The following MYO3A variants were observed in gnomAD, a reference collection of about 807,000 sequenced individuals.
The protein encoded by MYO3A is myosin-IIIa.
A neutral mutation model predicts 192.7 loss-of-function variants in MYO3A; 180 were observed. The ratio of observed to expected loss-of-function variants is 0.93; its 90% confidence interval spans 0.83 to 1.06. The LOEUF is 1.06. MYO3A is among the 50% of genes least tolerant of loss of function. MYO3A has a pLI of 0.00. For synonymous variants in MYO3A, 628 were observed against 645.3 expected, an observed-to-expected ratio of 0.97 and a Z score of 0.41; for missense variants, 1,896 against 1,905.0, an observed-to-expected ratio of 1.00 and a Z score of 0.09.
chr10:25,944,837 C>T (rs1224900397), intron 2 of MYO3A, among the ~76,000 whole-genome samples: 2 of 152,018 alleles, frequency 1.3e-5, no homozygotes, highest in East Asian at 3.8e-4. Flanking sequence ...GAAGAATCAA[C>T]TCATGGTTTT....
chr10:26,137,631 G>C (rs919053159), intron 20 of MYO3A, among the ~76,000 whole-genome samples: 2 of 152,220 alleles, frequency 1.3e-5, no homozygotes, highest in African/African-American at 4.8e-5. Context: ...CGGGCAAAAA[G>C]AGCCATATTT....
chr10:26,120,589 T>C, intron 17 of MYO3A, 87 bp from the exon 18 acceptor site: 1 of 1,570,584 alleles, frequency 6.4e-7, no homozygotes, highest in East Asian at 2.2e-5. Flanking sequence ...GGCCTGAGGG[T>C]TCTCTTCCAG....
At chr10:26,142,079 T>A (rs1371657777) in intron 20 of MYO3A, among the ~76,000 whole-genome samples, 2 of 152,250 alleles carry the variant, frequency 1.3e-5, no homozygotes, top group African/African-American at 4.8e-5. Context: ...ATTTGAACTT[T>A]GTGGAGGGCC....
At chr10:26,161,183 T>C (rs560027116) in intron 26 of MYO3A, among the ~76,000 whole-genome samples, 1 of 152,316 alleles carries the variant, frequency 6.6e-6, no homozygotes, top group South Asian at 2.1e-4. Flanking sequence ...TGGCATAGAC[T>C]CTTAGGAAGG....
chr10:25,985,333 C>G (rs1428088079), intron 4 of MYO3A, among the ~76,000 whole-genome samples: 1 of 151,050 alleles, frequency 6.6e-6, no homozygotes, highest in Non-Finnish European at 1.5e-5. Context: ...AATCCAAACC[C>G]AAACTCAGCA....
chr10:26,147,126 C>G (rs1348184643), intron 22 of MYO3A, among the ~76,000 whole-genome samples: 1 of 152,132 alleles, frequency 6.6e-6, no homozygotes, highest in Non-Finnish European at 1.5e-5. Context: ...TTATGCTGCT[C>G]CATCCCTCCA....
chr10:26,068,727 A>C (rs776963772), intron 11 of MYO3A, 41 bp from the exon 12 acceptor site: 3 of 1,333,786 alleles, frequency 2.2e-6, no homozygotes, highest in East Asian at 4.6e-5. Context: ...GTTGACCACA[A>C]ATAATTTTTA....
At chr10:26,208,585 A>G (rs373404463) in intron 34 of MYO3A, among the ~76,000 whole-genome samples, 3 of 152,334 alleles carry the variant, frequency 2.0e-5, no homozygotes, top group East Asian at 1.9e-4. Context: ...AATATTCTTA[A>G]AACAGAAATA....
At chr10:26,180,262 C>A (rs927136380) in intron 31 of MYO3A, among the ~76,000 whole-genome samples, 1 of 152,132 alleles carries the variant, frequency 6.6e-6, no homozygotes, top group Non-Finnish European at 1.5e-5. Context: ...ATCAAAAAAA[C>A]TATCTTGATA....
chr10:26,142,114 T>C (rs1274325946), intron 20 of MYO3A, among the ~76,000 whole-genome samples: 1 of 152,228 alleles, frequency 6.6e-6, no homozygotes, highest in Non-Finnish European at 1.5e-5. Context: ...AACTTCTCTG[T>C]CATCCACTAT....
chr10:26,051,111 A>ATACCCAATTT (rs1843970894), intron 10 of MYO3A, among the ~76,000 whole-genome samples: 1 of 152,218 alleles, frequency 6.6e-6, no homozygotes, highest in Non-Finnish European at 1.5e-5. Flanking sequence ...GGCAGCCAGC[A>ATACCCAATTT]TACCCAATTT....
chr10:26,202,746 A>C lies in MYO3A; in HGVS notation c.4587-218A>C, dbSNP rs149979382. On this transcript the variant is annotated intron_variant, in intron 33 of 34. Coordinates refer to ENST00000642920, the MANE Select transcript of MYO3A (RefSeq NM_017433.5). ...AATAGAACCAGGAAAATGTGTTCCC[A>C]CAGCTAATGTTCTGTTCAAGGTAAG... is the stretch of plus-strand genomic sequence containing the variant. The C allele has an allele frequency of 2.0e-4, 95 of 486,272 alleles. 2 individuals are homozygous for C. The highest frequency in any genetic ancestry group is 1.8e-3 in the African/African-American group (93 of 51,428). The allele number at this position is 486,272 out of a possible 1,614,324, so 30.1% of individuals were successfully genotyped here.
chr10:25,943,280 G>T (rs1836620083), intron 2 of MYO3A, among the ~76,000 whole-genome samples: 1 of 152,056 alleles, frequency 6.6e-6, no homozygotes, highest in East Asian at 1.9e-4. Flanking sequence ...ACAATGATTT[G>T]ATTACTGTAG....
Position 26,090,246 on chromosome 10 carries a change from G to C in MYO3A, c.1562+1841G>C, listed in dbSNP as rs1053346959. Among the ~76,000 whole-genome samples the C allele has an allele frequency of 2.1e-4, 32 of 152,218 alleles. 1 individual carries two copies. The highest frequency in any genetic ancestry group is 7.7e-4 in the African/African-American group (32 of 41,460). ...TATAATTCACGGTGTATTCTATGGA[G>C]TTGAGTGCAGGAACTCAGTTCATAT... On this transcript the variant is annotated intron_variant, in intron 15 of 34. Transcript: ENST00000642920.
intron 4 of MYO3A, among the ~76,000 whole-genome samples, chr10:25,986,893 C>G (rs1182410560): frequency 6.6e-6 from 1 of 151,964 alleles, no homozygotes; most frequent in Non-Finnish European, 1.5e-5. Context: ...AAAAAGAGCC[C>G]AAATAGCCAA....
intron 31 of MYO3A, among the ~76,000 whole-genome samples, 180 bp downstream of exon 31, chr10:26,177,025 A>G (rs1016185661): frequency 1.3e-5 from 2 of 151,688 alleles, no homozygotes; most frequent in African/African-American, 4.9e-5. Flanking sequence ...CCCACTTTCT[A>G]CCTTCTCTGA....
At chr10:25,947,104 T>A (rs966535570) in intron 2 of MYO3A, among the ~76,000 whole-genome samples, 3 of 151,926 alleles carry the variant, frequency 2.0e-5, no homozygotes, top group African/African-American at 7.2e-5. Flanking sequence ...CTGTTTATAT[T>A]CCTTCGTTCT....
intron 10 of MYO3A, among the ~76,000 whole-genome samples, chr10:26,045,563 A>G (rs149950723): frequency 1.3e-5 from 2 of 152,282 alleles, no homozygotes; most frequent in East Asian, 1.9e-4. Context: ...TTCATGTAGC[A>G]GCTTTGGAAC....
At chr10:26,201,766 G>T (rs1413988879) in intron 33 of MYO3A, among the ~76,000 whole-genome samples, 7 of 151,692 alleles carry the variant, frequency 4.6e-5, no homozygotes, top group Non-Finnish European at 8.8e-5. Flanking sequence ...TTTACGTTAC[G>T]AATATGTGAT....
Sources: gnomAD v4.1 joint callset for allele counts (sites outside exome capture counted in the v4.1 genomes callset) on GRCh38, gnomAD v4.1.1 for gene constraint, MANE v1.5 for transcripts, NCBI Gene and HGNC (gene_info 2026-07-23, HGNC 2026-07-21) for gene names.